The following COL11A1 variants were observed in gnomAD, a reference collection of about 807,000 sequenced individuals.
The protein encoded by COL11A1 is collagen type XI alpha 1 chain, also known as collagen alpha-1(XI) chain.
A neutral mutation model predicts 265.2 loss-of-function variants in COL11A1; 74 were observed. The observed-to-expected ratio is 0.28, with a 90% CI of 0.23 to 0.34. The LOEUF (loss-of-function observed/expected upper bound fraction) is 0.34. COL11A1 is among the 10% of genes least tolerant of loss of function. The pLI is 1.00. For synonymous variants in COL11A1, 816 were observed against 727.6 expected (o/e 1.12, Z -1.96); for missense variants, 2,165 against 2,263.6 (o/e 0.96, Z 0.88).
chr1:102,946,933 T>G lies in COL11A1; in HGVS notation c.3192A>C (p.Ser1064=). ...GPVGSPGERG[S]AGTAGPIGLP... is the part of the protein sequence containing the mutation. ...AACCAATTGGGCCAGCTGTACCTGC[T>G]GACCCACGTTCTCCTGGTGAGCCCT... is the stretch of plus-strand genomic sequence containing the variant. Residue 1064 remains serine (S), a synonymous_variant, in exon 42 of 67, where the codon TCA becomes TCC. Transcript: ENST00000370096. The G allele has an allele frequency of 6.2e-7, 1 of 1,612,878 alleles. No individual in the cohort carries two copies. Among genetic ancestry groups the G allele is most frequent in the South Asian group, 1.1e-5 (1 of 90,748 alleles).
chr1:103,002,389 C>A (rs536471371), intron 23 of COL11A1, 39 bp downstream of exon 23: 93 of 1,528,488 alleles, frequency 6.1e-5, no homozygotes, highest in Non-Finnish European at 7.7e-5. Context: ...AGCATCTTCC[C>A]CCCATTATTT....
chr1:103,106,388 T>C (rs1247194480), intron 1 of COL11A1, among the ~76,000 whole-genome samples: 1 of 152,244 alleles, frequency 6.6e-6, no homozygotes, highest in East Asian at 1.9e-4. Flanking sequence ...GAAAAAGAAA[T>C]GGCATATCCA....
At chr1:103,024,825 A>G (rs934250601) in intron 7 of COL11A1, among the ~76,000 whole-genome samples, 1 of 152,106 alleles carries the variant, frequency 6.6e-6, no homozygotes, top group South Asian at 2.1e-4. Flanking sequence ...TCTTATATTC[A>G]TTTCCTGATA....
At position 102,965,510 on chromosome 1, in the gene COL11A1, G is replaced by A. The variant is rs1470107899; in HGVS notation, c.2893C>T (p.Pro965Ser). ...GFQGKTGPPG[P>S]GGVVGPQGPT... ...ACCTGTGGTCCAACCACTCCCCCTG[G>A]CCCAGGAGGGCCGGTCTTGCCTTGA... is the stretch of plus-strand genomic sequence containing the variant. The change falls in exon 38 of 67, where the codon CCA becomes TCA. Residue 965 changes from proline to serine, a missense_variant. Pro to Ser is a moderately conservative substitution (Grantham distance 74, BLOSUM62 -1). Transcript: ENST00000370096. 1.4e-5 allele frequency: 22 copies of A among 1,613,618 alleles called. No individual in the cohort carries two copies. Among genetic ancestry groups the A allele is most frequent in the Admixed American group, 3.3e-5 (2 of 60,010 alleles).
At position 103,001,918 on chromosome 1, in the gene COL11A1, A is replaced by G. The variant is rs1337103055; in HGVS notation, c.2142+7T>C. Reference sequence around the variant, plus strand: ...CCAGGCTTTACGAGAACAACAGAGTAACTTACTTTTTCACCAGGAGGACCA... The same window carrying G: ...CCAGGCTTTACGAGAACAACAGAGTGACTTACTTTTTCACCAGGAGGACCA... On this transcript the variant is annotated splice_region_variant and intron_variant, in intron 24 of 66. Transcript: ENST00000370096. 6.2e-7 allele frequency: 1 copy of G among 1,613,096 alleles called. No homozygotes were observed. The highest frequency in any genetic ancestry group is 1.7e-5 in the Admixed American group (1 of 60,004).
At chr1:102,980,166 C>A (rs1048607707) in intron 31 of COL11A1, among the ~76,000 whole-genome samples, 3 of 151,644 alleles carry the variant, frequency 2.0e-5, no homozygotes, top group Admixed American at 6.6e-5. Context: ...GTAATACACA[C>A]CTTACAGGTA....
At chr1:103,023,018 A>G in intron 7 of COL11A1, 22 bp from the exon 8 acceptor site, 1 of 1,606,270 alleles carries the variant, frequency 6.2e-7, no homozygotes, top group Non-Finnish European at 8.5e-7. Context: ...AATTGCAAGG[A>G]ATTGAGGAAC....
intron 2 of COL11A1, among the ~76,000 whole-genome samples, chr1:103,079,248 A>G (rs920348114): frequency 6.6e-6 from 1 of 152,012 alleles, no homozygotes; most frequent in Admixed American, 6.6e-5. Flanking sequence ...GTCCGTAGCC[A>G]TACATGCCCA....
At chr1:102,936,760 T>C (rs917091662) in intron 44 of COL11A1, among the ~76,000 whole-genome samples, 1 of 152,166 alleles carries the variant, frequency 6.6e-6, no homozygotes, top group African/African-American at 2.4e-5. Context: ...CAGTGGAATA[T>C]AATGTAATAG....
At chr1:102,954,914 GACAT>G (rs1660228787) in intron 41 of COL11A1, among the ~76,000 whole-genome samples, 1 of 151,204 alleles carries the variant, frequency 6.6e-6, no homozygotes. Flanking sequence ...CTCTCTACAT[GACAT>G]ACATTTTAGA....
chr1:103,025,493 G>A (rs757560129), intron 7 of COL11A1, 28 bp downstream of exon 7: 1 of 1,455,250 alleles, frequency 6.9e-7, no homozygotes, highest in African/African-American at 1.4e-5. Flanking sequence ...AAGTGGGACT[G>A]TGATTTAATA....
chr1:102,896,254 G>C (rs1401057202), intron 57 of COL11A1, among the ~76,000 whole-genome samples: 2 of 150,842 alleles, frequency 1.3e-5, no homozygotes, highest in African/African-American at 4.9e-5. Flanking sequence ...CATCCACCAA[G>C]TAAGTGGTAG....
chr1:103,077,810 G>T (rs557622880), intron 3 of COL11A1, among the ~76,000 whole-genome samples: 1 of 152,172 alleles, frequency 6.6e-6, no homozygotes, highest in South Asian at 2.1e-4. Flanking sequence ...GTGCAAGCCT[G>T]ACTTCCTGAG....
chr1:102,880,969 C>T (rs1225353182), intron 65 of COL11A1, among the ~76,000 whole-genome samples: 1 of 151,676 alleles, frequency 6.6e-6, no homozygotes, highest in Non-Finnish European at 1.5e-5. Flanking sequence ...AATTATAACT[C>T]CAGTGGAGAG....
At chr1:102,985,216 A>G (rs1237753028) in intron 30 of COL11A1, among the ~76,000 whole-genome samples, 1 of 152,096 alleles carries the variant, frequency 6.6e-6, no homozygotes, top group African/African-American at 2.4e-5. Flanking sequence ...CTAAAAATGG[A>G]AAACAAACAC....
At chr1:103,041,171 T>A (rs1668784555) in intron 4 of COL11A1, among the ~76,000 whole-genome samples, 1 of 151,934 alleles carries the variant, frequency 6.6e-6, no homozygotes, top group South Asian at 2.1e-4. Context: ...GAATTTGACA[T>A]TTACATTTTA....
intron 4 of COL11A1, among the ~76,000 whole-genome samples, chr1:103,041,106 T>C (rs1668779365): frequency 6.6e-6 from 1 of 151,984 alleles, no homozygotes; most frequent in Non-Finnish European, 1.5e-5. Context: ...GAAGGTCAAA[T>C]ATGGCCTTTG....
chr1:102,910,257 A>C (rs1252752152), intron 54 of COL11A1, among the ~76,000 whole-genome samples: 1 of 152,080 alleles, frequency 6.6e-6, no homozygotes, highest in Non-Finnish European at 1.5e-5. Context: ...TGAATAATTC[A>C]TGTGACCCAC....
rs548087236 is a variant in COL11A1, at chr1:102,990,525, G to C, written c.2341-954C>G. On this transcript the variant is annotated intron_variant, in intron 28 of 66. Transcript: ENST00000370096. The stretch of plus-strand genomic sequence containing the variant: ...TGAAAATGAAGTCATTTAATGAAGA[G>C]AGGAACGATTTGGGCTACGGAAATA... Among the ~76,000 whole-genome samples the C allele has an allele frequency of 1.0e-3, 153 of 152,032 alleles. 1 individual carries two copies. The highest frequency in any genetic ancestry group is 2.0e-3 in the Non-Finnish European group (137 of 67,990).
Sources: gnomAD v4.1 joint callset for allele counts (sites outside exome capture counted in the v4.1 genomes callset) on GRCh38, gnomAD v4.1.1 for gene constraint, MANE v1.5 for transcripts, NCBI Gene and HGNC (gene_info 2026-07-23, HGNC 2026-07-21) for gene names.